Variants in COL3A1 observed in about 807,000 individuals in gnomAD.
The protein encoded by COL3A1 is collagen type III alpha 1 chain, also known as collagen alpha-1(III) chain.
A neutral mutation model predicts 200.9 loss-of-function variants in COL3A1; 46 were observed. The observed-to-expected ratio is 0.23, with a 90% CI of 0.18 to 0.29. The LOEUF (loss-of-function observed/expected upper bound fraction) is 0.29, where lower values mean the gene tolerates loss of function less well. COL3A1 is among the 10% of genes least tolerant of loss of function. COL3A1 has a pLI of 1.00. For missense variants in COL3A1, 1,367 were observed against 1,917.6 expected (o/e 0.71, Z 5.36); for synonymous variants, 650 against 628.0 (o/e 1.03, Z -0.52).
At chr2:188,977,809 T>A (rs906863767) in intron 1 of COL3A1, among the ~76,000 whole-genome samples, 4 of 152,106 alleles carry the variant, frequency 2.6e-5, no homozygotes, top group Non-Finnish European at 4.4e-5. Context: ...GTACATGAAC[T>A]AATAATGCAT....
chr2:188,989,021 G>A (rs1233126669), intron 7 of COL3A1, among the ~76,000 whole-genome samples: 1 of 151,432 alleles, frequency 6.6e-6, no homozygotes, highest in African/African-American at 2.4e-5. Flanking sequence ...TTAGACAGTA[G>A]AAATAAACAT....
intron 11 of COL3A1, 77 bp downstream of exon 11, chr2:188,991,134 A>C: frequency 6.8e-7 from 1 of 1,464,610 alleles, no homozygotes; most frequent in Non-Finnish European, 9.5e-7. Context: ...TCATATTGTG[A>C]GCCTTAACTT....
At chr2:188,995,260 G>C (rs1418254698) in intron 21 of COL3A1, among the ~76,000 whole-genome samples, 161 bp downstream of exon 21, 1 of 152,038 alleles carries the variant, frequency 6.6e-6, no homozygotes, top group Admixed American at 6.5e-5. Context: ...AACTTTCCTG[G>C]CTTTGTAACT....
At chr2:189,002,669 C>CTCAAAAAAATTTACTGGTGCTGATTT (rs1688493812) in intron 35 of COL3A1, among the ~76,000 whole-genome samples, 1 of 152,104 alleles carries the variant, frequency 6.6e-6, no homozygotes, top group Non-Finnish European at 1.5e-5. Context: ...TCCGGTCTTT[C>CTCAAAAAAATTTACTGGTGCTGATTT]TCAAAAAAAT....
chr2:188,991,327 TGAGA>T (rs1688183971), intron 11 of COL3A1, among the ~76,000 whole-genome samples, 156 bp from the exon 12 acceptor site: 1 of 152,094 alleles, frequency 6.6e-6, no homozygotes, highest in African/African-American at 2.4e-5. Context: ...ATACAGAAAT[TGAGA>T]TTTCTGGTAA....
At chr2:188,989,708 A>G (rs41272815) in intron 8 of COL3A1, among the ~76,000 whole-genome samples, 5 of 152,132 alleles carry the variant, frequency 3.3e-5, no homozygotes, top group African/African-American at 9.7e-5. Context: ...TGAATATATT[A>G]TTTAACTGGA....
rs1048648933 is a variant in COL3A1 at position 188,997,318 on chromosome 2, A to G, written c.1816-18A>G. 2 of 1,613,328 alleles carry G rather than the reference A, an allele frequency of 1.2e-6. No individual in the cohort carries two copies. Among genetic ancestry groups the G allele is most frequent in the Non-Finnish European group, 1.7e-6 (2 of 1,179,628 alleles). ...TAATCTGTATTATTTCTACTTCCCT[A>G]ACTGTTCTTGTTTTTAGGGTCCTCC... On this transcript the variant is annotated intron_variant, in intron 25 of 50. Coordinates refer to ENST00000304636, the MANE Select transcript of COL3A1 (RefSeq NM_000090.4).
chr2:188,994,469 T>C lies in COL3A1; in HGVS notation c.1294-72T>C. On this transcript the variant is annotated intron_variant, in intron 18 of 50. Coordinates refer to ENST00000304636, the MANE Select transcript of COL3A1 (RefSeq NM_000090.4). The surrounding 1 kb of genome is among the most constrained non-coding windows in gnomAD (Gnocchi z 4.5). Reference sequence around the variant, plus strand: ...TCTTGTCTTATAACTTATAACTGAATTATGTGTTACTGGTGATGATTTGTT... The same window carrying C: ...TCTTGTCTTATAACTTATAACTGAACTATGTGTTACTGGTGATGATTTGTT... The C allele has an allele frequency of 1.9e-6, 3 of 1,579,844 alleles. No homozygotes were observed. The highest frequency in any genetic ancestry group is 2.6e-6 in the Non-Finnish European group (3 of 1,149,182).
At chr2:188,975,429 G>A (rs1034078326) in intron 1 of COL3A1, among the ~76,000 whole-genome samples, 2 of 152,028 alleles carry the variant, frequency 1.3e-5, no homozygotes, top group Admixed American at 6.6e-5. Context: ...CATTATTTAT[G>A]TGAAAATATT....
chr2:188,975,800 C>T (rs891367112), intron 1 of COL3A1, among the ~76,000 whole-genome samples: 4 of 151,430 alleles, frequency 2.6e-5, no homozygotes, highest in African/African-American at 9.7e-5. Flanking sequence ...TCCTCCTTAC[C>T]CCTCCTCTCC....
In COL3A1 at chr2:189,005,338, C is replaced by A. The variant is rs747958233; in HGVS notation, c.2932-12C>A. ...AGTTGAAACAAAATGTTTTTCATTC[C>A]TTTGTATACAGGGTGAAAGTGGGAA... On this transcript the variant is annotated splice_polypyrimidine_tract_variant and intron_variant, in intron 40 of 50. Transcript: ENST00000304636. 6.2e-7 allele frequency: 1 copy of A among 1,607,098 alleles called. No homozygotes were observed. Among genetic ancestry groups the A allele is most frequent in the South Asian group, 1.1e-5 (1 of 90,926 alleles).
At chr2:188,993,926 T>C (rs1235133418) in intron 16 of COL3A1, 112 bp from the exon 17 acceptor site, 1 of 987,600 alleles carries the variant, frequency 1.0e-6, no homozygotes, top group African/African-American at 1.6e-5. Flanking sequence ...ATTCACTTAA[T>C]CTCTACAAAG....
Position 189,010,860 on chromosome 2 carries a change from C to G in COL3A1, c.4224C>G (p.Phe1408Leu), listed in dbSNP as rs549672243. ...GEFKAEGNSK[F>L]TYTVLEDGCT... ...TCAAGGCTGAAGGAAATAGCAAATT[C>G]ACCTACACAGTTCTGGAGGATGGTT... is the stretch of plus-strand genomic sequence containing the variant. The change falls in exon 50 of 51, where the codon TTC becomes TTG. Residue 1408 changes from phenylalanine to leucine, a missense_variant. This residue lies in a region of COL3A1 where 846 missense variants were observed against 1,147.9 expected (regional missense o/e 0.74). Coordinates refer to ENST00000304636, the MANE Select transcript of COL3A1 (RefSeq NM_000090.4). The G allele has an allele frequency of 1.2e-6, 2 of 1,614,136 alleles. No individual in the cohort carries two copies. The highest frequency in any genetic ancestry group is 3.3e-5 in the Admixed American group (2 of 60,020).
chr2:188,998,234 TA>T (rs774147906), intron 27 of COL3A1, 31 bp from the exon 28 acceptor site: 1 of 1,593,456 alleles, frequency 6.3e-7, no homozygotes, highest in Non-Finnish European at 8.6e-7. Flanking sequence ...ATGTTTGAGG[TA>T]ATTACCTAAT....
chr2:189,010,711 C>A lies in COL3A1; in HGVS notation c.4075C>A (p.Leu1359Ile), dbSNP rs1400489265. 7 of 1,614,046 alleles carry A rather than the reference C, an allele frequency of 4.3e-6. No homozygotes were observed. In the African/African-American group the frequency reaches 9.3e-5, roughly 22 times the overall value. Reference sequence around the variant, plus strand: ...TGATGTGCATCTGGCATTCCTTCGACTTCTCTCCAGCCGAGCTTCCCAGAA... The same window carrying A: ...TGATGTGCATCTGGCATTCCTTCGAATTCTCTCCAGCCGAGCTTCCCAGAA... ...VLDVHLAFLR[L>I]LSSRASQNIT... Residue 1359 changes from leucine (L) to isoleucine (I), a missense_variant, in exon 50 of 51, where the codon CTT becomes ATT. This residue lies in a region of COL3A1 where 846 missense variants were observed against 1,147.9 expected (regional missense o/e 0.74). Coordinates refer to ENST00000304636, the MANE Select transcript of COL3A1 (RefSeq NM_000090.4).
At position 188,989,323 on chromosome 2, in the gene COL3A1, C is replaced by A. The variant is rs937664233; in HGVS notation, c.637-73C>A. On this transcript the variant is annotated intron_variant, in intron 7 of 50. Transcript: ENST00000304636. ...TAAAAGGAGGTTCCTTCCAGGAATA[C>A]ATACACTGTGTAATAATAAATTGTA... 8 of 1,108,672 alleles carry A rather than the reference C, an allele frequency of 7.2e-6. No homozygotes were observed. In the African/African-American group the frequency reaches 7.9e-5, roughly 11 times the overall value. 68.7% of individuals were successfully genotyped at this position (1,108,672 alleles called of 1,614,324 possible).
At chr2:189,006,613 T>A (rs1688590766) in intron 43 of COL3A1, among the ~76,000 whole-genome samples, 161 bp downstream of exon 43, 1 of 152,180 alleles carries the variant, frequency 6.6e-6, no homozygotes. Flanking sequence ...TGTGAATAAG[T>A]CAATACCAGA....
intron 1 of COL3A1, among the ~76,000 whole-genome samples, chr2:188,976,582 C>G (rs564120369): frequency 6.6e-6 from 1 of 152,036 alleles, no homozygotes; most frequent in African/African-American, 2.4e-5. Flanking sequence ...TCTGAATATA[C>G]AGCACACTGA....
At chr2:188,986,450 A>C (rs921391591) in intron 4 of COL3A1, among the ~76,000 whole-genome samples, 2 of 152,108 alleles carry the variant, frequency 1.3e-5, no homozygotes, top group Non-Finnish European at 1.5e-5. Context: ...AGTTATTCTT[A>C]TTCTAGTAAC....
Sources: allele counts gnomAD v4.1 joint callset (sites outside exome capture counted in the v4.1 genomes callset), GRCh38; gene constraint gnomAD v4.1.1; regional missense constraint gnomAD v4.1.1; non-coding constraint Gnocchi (gnomAD v3.1); transcripts MANE v1.5; gene names NCBI Gene and HGNC (gene_info 2026-07-23, HGNC 2026-07-21).